The following NXPH2 variants were observed in gnomAD, a reference collection of about 807,000 sequenced individuals.
The protein encoded by NXPH2 is neurexophilin 2, also known as neurexophilin-2.
Under a neutral mutation model 19.8 loss-of-function variants are expected in NXPH2, and 5 were observed. The ratio of observed to expected loss-of-function variants is 0.25; its 90% CI spans 0.13 to 0.53. The LOEUF (loss-of-function observed/expected upper bound fraction) is 0.53, where lower values mean the gene tolerates loss of function less well. Among genes scored for constraint, NXPH2 ranks in the 20% least tolerant of loss-of-function variants. The pLI, the probability that NXPH2 is intolerant of heterozygous loss-of-function variation, is 0.96. For missense variants in NXPH2, 289 were observed against 322.8 expected (o/e 0.90, Z 0.80); for synonymous variants, 154 against 127.4 (o/e 1.21, Z -1.41).
In NXPH2 at chr2:138,776,759, T is replaced by G. The variant is rs184965442; in HGVS notation, c.51+3432A>C. Among the ~76,000 whole-genome samples, 104 of 152,114 alleles carry G rather than the reference T, an allele frequency of 6.8e-4. 1 individual carries two copies. Among genetic ancestry groups the G allele is most frequent in the African/African-American group, 2.4e-3 (100 of 41,540 alleles). ...TTGAATGGAAGATAGTAAAGAGTTATCAATTCTTGTAAGTACAGAAGAAGA... is the reference window on the plus strand; with the variant it reads ...TTGAATGGAAGATAGTAAAGAGTTAGCAATTCTTGTAAGTACAGAAGAAGA... On this transcript the variant is annotated intron_variant, in intron 1 of 1. Coordinates refer to ENST00000272641, the MANE Select transcript of NXPH2 (RefSeq NM_007226.3).
intron 1 of NXPH2, among the ~76,000 whole-genome samples, chr2:138,684,511 T>C (rs1680620432): frequency 6.6e-6 from 1 of 152,206 alleles, no homozygotes; most frequent in Admixed American, 6.5e-5. Flanking sequence ...ATATTTTATA[T>C]ATAATCTTTA....
chr2:138,763,812 G>T (rs987564396), intron 1 of NXPH2, among the ~76,000 whole-genome samples: 1 of 152,184 alleles, frequency 6.6e-6, no homozygotes, highest in Non-Finnish European at 1.5e-5. Flanking sequence ...GGATTAGATG[G>T]AATATGCCAC....
At chr2:138,686,823 A>G (rs1048812094) in intron 1 of NXPH2, among the ~76,000 whole-genome samples, 2 of 152,028 alleles carry the variant, frequency 1.3e-5, no homozygotes, top group African/African-American at 4.8e-5. Context: ...TGTCCTTGCA[A>G]TAGTGTGCTG....
At chr2:138,725,501 C>G (rs1359381347) in intron 1 of NXPH2, among the ~76,000 whole-genome samples, 1 of 152,166 alleles carries the variant, frequency 6.6e-6, no homozygotes, top group Non-Finnish European at 1.5e-5. Context: ...TAATTTTTGG[C>G]TTAAAGGCAA....
intron 1 of NXPH2, among the ~76,000 whole-genome samples, chr2:138,770,178 A>G (rs1311212679): frequency 1.3e-5 from 2 of 152,170 alleles, no homozygotes; most frequent in South Asian, 2.1e-4. Context: ...CTGCCAAAGA[A>G]AAAGCAATTC....
At chr2:138,756,184 T>C (rs1259969667) in intron 1 of NXPH2, among the ~76,000 whole-genome samples, 1 of 152,116 alleles carries the variant, frequency 6.6e-6, no homozygotes, top group East Asian at 1.9e-4. Flanking sequence ...CTTTCTAATA[T>C]GAACACCATT....
intron 1 of NXPH2, among the ~76,000 whole-genome samples, chr2:138,690,923 A>G (rs1294539340): frequency 6.6e-6 from 1 of 152,226 alleles, no homozygotes; most frequent in Non-Finnish European, 1.5e-5. Flanking sequence ...GGGACCCTTT[A>G]GATTGGGTGG....
intron 1 of NXPH2, among the ~76,000 whole-genome samples, chr2:138,744,550 C>G (rs1273789923): frequency 6.6e-6 from 1 of 152,138 alleles, no homozygotes; most frequent in Non-Finnish European, 1.5e-5. Flanking sequence ...AGGTGTCTAT[C>G]TGATCCCAGC....
intron 1 of NXPH2, among the ~76,000 whole-genome samples, chr2:138,706,279 GA>G (rs1333958368): frequency 1.3e-5 from 2 of 152,206 alleles, no homozygotes; most frequent in East Asian, 1.9e-4. Flanking sequence ...GATGCTTAAG[GA>G]ATTAAGTTGG....
chr2:138,714,047 T>C (rs971534988), intron 1 of NXPH2, among the ~76,000 whole-genome samples: 2 of 152,182 alleles, frequency 1.3e-5, no homozygotes, highest in African/African-American at 4.8e-5. Context: ...CTTTCTTTTT[T>C]CTTATTGTCA....
At chr2:138,746,022 T>C (rs2105008990) in intron 1 of NXPH2, among the ~76,000 whole-genome samples, 1 of 152,130 alleles carries the variant, frequency 6.6e-6, no homozygotes, top group East Asian at 1.9e-4. Context: ...GTGCTGATAG[T>C]CGTGGGGAGA....
intron 1 of NXPH2, among the ~76,000 whole-genome samples, chr2:138,763,292 A>G (rs1682046114): frequency 6.6e-6 from 1 of 152,190 alleles, no homozygotes; most frequent in African/African-American, 2.4e-5. Context: ...TAAATTTTAA[A>G]TTATTGACTG....
intron 1 of NXPH2, among the ~76,000 whole-genome samples, chr2:138,707,094 C>CAACAAAAAAAA (rs1681027687): frequency 2.9e-5 from 1 of 34,840 alleles, no homozygotes; most frequent in African/African-American, 8.0e-5. Context: ...TGCCCCATGA[C>CAACAAAAAAAA]AAAAAAAAAA....
chr2:138,732,877 A>G (rs1404495330), intron 1 of NXPH2, among the ~76,000 whole-genome samples: 1 of 152,214 alleles, frequency 6.6e-6, no homozygotes, highest in Admixed American at 6.5e-5. Context: ...TTTGACTTAA[A>G]GCCAAAACTT....
At chr2:138,760,737 T>G (rs62163223) in intron 1 of NXPH2, among the ~76,000 whole-genome samples, 1 of 152,178 alleles carries the variant, frequency 6.6e-6, no homozygotes, top group Non-Finnish European at 1.5e-5. Context: ...ACCCAAGAAC[T>G]TGCATTTTTA....
intron 1 of NXPH2, among the ~76,000 whole-genome samples, chr2:138,776,479 G>A (rs1682264268): frequency 6.6e-6 from 1 of 152,002 alleles, no homozygotes. Flanking sequence ...TGTACTGGGA[G>A]GTGGGTGACT....
intron 1 of NXPH2, among the ~76,000 whole-genome samples, chr2:138,757,149 A>G (rs1055290198): frequency 5.3e-5 from 8 of 152,238 alleles, no homozygotes; most frequent in African/African-American, 9.6e-5. Flanking sequence ...AGCATACTAT[A>G]AAGTTCTTCA....
chr2:138,714,275 G>C (rs1681156283), intron 1 of NXPH2, among the ~76,000 whole-genome samples: 1 of 152,082 alleles, frequency 6.6e-6, no homozygotes, highest in African/African-American at 2.4e-5. Flanking sequence ...CCTACAAGTA[G>C]TTATATTTTT....
intron 1 of NXPH2, among the ~76,000 whole-genome samples, chr2:138,673,765 A>T (rs982045002): frequency 7.9e-5 from 12 of 151,608 alleles, no homozygotes; most frequent in African/African-American, 2.9e-4. Context: ...GGTATGAGTC[A>T]CCATGCCTGG....
Sources: gnomAD v4.1 joint callset for allele counts (sites outside exome capture counted in the v4.1 genomes callset) on GRCh38, gnomAD v4.1.1 for gene constraint, MANE v1.5 for transcripts, NCBI Gene and HGNC (gene_info 2026-07-23, HGNC 2026-07-21) for gene names.